The following EYS variants were observed in gnomAD, a reference collection of about 807,000 sequenced individuals.
EYS encodes the protein protein eyes shut homolog.
A neutral mutation model predicts 282.1 loss-of-function variants in EYS; 250 were observed. The ratio of observed to expected loss-of-function variants is 0.89; its 90% CI spans 0.80 to 0.98. EYS has a LOEUF of 0.98. Among genes scored for constraint, EYS ranks in the 50% least tolerant of loss-of-function variants. EYS has a pLI of 0.00. For synonymous variants in EYS, 1,355 were observed against 1,282.9 expected (o/e 1.06, Z -1.20); for missense variants, 4,016 against 3,709.0 (o/e 1.08, Z -2.15).
intron 7 of EYS, among the ~76,000 whole-genome samples, chr6:65,393,033 G>T (rs1766112586): frequency 2.0e-5 from 3 of 152,048 alleles, no homozygotes; most frequent in Admixed American, 2.0e-4. Flanking sequence ...AGACATGGAT[G>T]AAATTGGAAA....
intron 2 of EYS, among the ~76,000 whole-genome samples, chr6:65,549,186 G>C (rs573037084): frequency 2.6e-5 from 4 of 152,284 alleles, no homozygotes; most frequent in South Asian, 4.1e-4. Context: ...GGCTGAGGAC[G>C]CTTGCTGTAG....
chr6:64,734,424 C>T (rs1169197062), intron 22 of EYS, among the ~76,000 whole-genome samples: 1 of 151,996 alleles, frequency 6.6e-6, no homozygotes, highest in Non-Finnish European at 1.5e-5. Flanking sequence ...ATGCAATAGG[C>T]ACAACTTTTA....
chr6:64,032,148 G>A (rs920744281), intron 33 of EYS, among the ~76,000 whole-genome samples: 2 of 151,944 alleles, frequency 1.3e-5, no homozygotes, highest in Non-Finnish European at 2.9e-5. Flanking sequence ...GCAAAGGTCC[G>A]CAGCTTCACT....
At chr6:64,715,500 C>T (rs9354060) in intron 22 of EYS, among the ~76,000 whole-genome samples, 19,119 of 152,136 alleles carry the variant, frequency 0.13, 1,381 homozygotes, top group East Asian at 0.35. Context: ...CATTTGTGAT[C>T]TCAAGAGGGT....
chr6:65,155,018 C>A (rs1764699943), intron 12 of EYS, among the ~76,000 whole-genome samples: 1 of 151,476 alleles, frequency 6.6e-6, no homozygotes, highest in African/African-American at 2.4e-5. Context: ...TATAATACAT[C>A]TTGAAATGTG....
At chr6:65,331,856 AACATTTCATTGTATGGAT>A (rs1248331468) in intron 11 of EYS, 1 of 392,348 alleles carries the variant, frequency 2.5e-6, no homozygotes, top group Non-Finnish European at 3.5e-6. Flanking sequence ...ATTGCTGAAT[AACATTTCATTGTATGGAT>A]ATAACAAATT....
chr6:64,608,307 A>G (rs1349353623), intron 24 of EYS, among the ~76,000 whole-genome samples: 1 of 152,156 alleles, frequency 6.6e-6, no homozygotes, highest in African/African-American at 2.4e-5. Context: ...ATTGAAGAGG[A>G]GAAAAGCAGA....
At chr6:65,219,383 C>T (rs1213506945) in intron 12 of EYS, among the ~76,000 whole-genome samples, 2 of 152,002 alleles carry the variant, frequency 1.3e-5, no homozygotes, top group Non-Finnish European at 2.9e-5. Flanking sequence ...AGTTCACAAC[C>T]TAAATTATCT....
chr6:63,842,371 C>T (rs1771983769), intron 36 of EYS, among the ~76,000 whole-genome samples: 1 of 152,174 alleles, frequency 6.6e-6, no homozygotes, highest in Non-Finnish European at 1.5e-5. Flanking sequence ...TGATGATGAG[C>T]TTTTTTTCAT....
At chr6:65,554,753 CCT>C (rs1395736549) in intron 2 of EYS, among the ~76,000 whole-genome samples, 1 of 152,078 alleles carries the variant, frequency 6.6e-6, no homozygotes, top group African/African-American at 2.4e-5. Flanking sequence ...CCTTCTGTTC[CCT>C]GATTCATAAA....
intron 2 of EYS, among the ~76,000 whole-genome samples, chr6:65,597,687 C>A (rs1765457113): frequency 6.6e-6 from 1 of 152,210 alleles, no homozygotes; most frequent in Non-Finnish European, 1.5e-5. Flanking sequence ...ACCCTCCACT[C>A]AAGAATAATC....
At chr6:64,414,389 A>G (rs959091646) in intron 28 of EYS, among the ~76,000 whole-genome samples, 3 of 152,122 alleles carry the variant, frequency 2.0e-5, no homozygotes. Context: ...ATACATAAAG[A>G]TGTGGCAAGA....
chr6:64,545,220 G>A (rs912331167), intron 26 of EYS, among the ~76,000 whole-genome samples: 7 of 152,030 alleles, frequency 4.6e-5, no homozygotes, highest in East Asian at 1.9e-4. Context: ...TTCAACATAC[G>A]CAAATCAATA....
At chr6:64,079,197 C>CT (rs1771875618) in intron 32 of EYS, among the ~76,000 whole-genome samples, 2 of 151,902 alleles carry the variant, frequency 1.3e-5, no homozygotes, top group Non-Finnish European at 2.9e-5. Context: ...ACAAGTTTTT[C>CT]TTTTGTATTG....
intron 19 of EYS, among the ~76,000 whole-genome samples, chr6:64,878,904 A>G (rs1766832340): frequency 6.6e-6 from 1 of 152,066 alleles, no homozygotes; most frequent in Non-Finnish European, 1.5e-5. Context: ...TCCTGCTGCA[A>G]CTTCTATCCT....
intron 13 of EYS, among the ~76,000 whole-genome samples, chr6:65,052,235 T>A (rs1277517743): frequency 6.6e-6 from 1 of 151,524 alleles, no homozygotes; most frequent in Non-Finnish European, 1.5e-5. Flanking sequence ...GTGTGCTTAA[T>A]CCCAGGTGTG....
At chr6:65,102,616 T>A (rs1774926194) in intron 12 of EYS, among the ~76,000 whole-genome samples, 1 of 151,280 alleles carries the variant, frequency 6.6e-6, no homozygotes. Context: ...TTTTTTAAAC[T>A]TTAAATTTTT....
At chr6:63,901,852 T>C (rs1306977630) in intron 35 of EYS, among the ~76,000 whole-genome samples, 3 of 152,168 alleles carry the variant, frequency 2.0e-5, no homozygotes, top group Admixed American at 6.5e-5. Flanking sequence ...CCAAAATAAG[T>C]TTCAGATTTT....
intron 2 of EYS, among the ~76,000 whole-genome samples, chr6:65,560,917 C>T (rs1769029260): frequency 6.6e-6 from 1 of 151,960 alleles, no homozygotes; most frequent in South Asian, 2.1e-4. Flanking sequence ...AATGGTCTAG[C>T]CATAATCTTC....
Sources: gnomAD v4.1 joint callset for allele counts (sites outside exome capture counted in the v4.1 genomes callset) on GRCh38, gnomAD v4.1.1 for gene constraint, MANE v1.5 for transcripts, NCBI Gene and HGNC (gene_info 2026-07-23, HGNC 2026-07-21) for gene names.